The following SEL1L3 variants were observed in gnomAD, a reference collection of about 807,000 sequenced individuals.
SEL1L3 encodes SEL1L family member 3.
Under a neutral mutation model 142.8 loss-of-function variants are expected in SEL1L3, and 76 were observed. That is an observed-to-expected ratio of 0.53 (90% CI 0.44 to 0.64). The LOEUF (loss-of-function observed/expected upper bound fraction) is 0.64, where lower values mean the gene tolerates loss of function less well. SEL1L3 is among the 30% of genes least tolerant of loss of function. SEL1L3 has a pLI of 0.00. For synonymous variants in SEL1L3, 504 were observed against 519.6 expected, an observed-to-expected ratio of 0.97 and a Z score of 0.41; for missense variants, 1,262 against 1,381.7, an observed-to-expected ratio of 0.91 and a Z score of 1.37.
Position 25,846,814 on chromosome 4 carries a change from CAGG to C in SEL1L3, c.733+477_733+479del, listed in dbSNP as rs1716539373. ...ATCCCAGCTACTCGGGAGGCTGAGG[CAGG>C]AGAATTGCTTGAACCTGGGAGGCGG... On this transcript the variant is annotated intron_variant, in intron 2 of 23. Coordinates refer to ENST00000399878, the MANE Select transcript of SEL1L3 (RefSeq NM_015187.5). Among the ~76,000 whole-genome samples, 5 of 145,016 alleles carry C rather than the reference CAGG, an allele frequency of 3.4e-5. No homozygotes were observed. The Admixed American group carries it at 3.7e-4, about 11-fold the overall frequency.
chr4:25,819,805 T>TA lies in SEL1L3; in HGVS notation c.1423+2dup. ...AACAGCTCCCCTGAAGCTCAACACTTACATGCTTCTTGTCTCTCGCCCCCG... is the reference window on the plus strand; with the variant it reads ...AACAGCTCCCCTGAAGCTCAACACTTAACATGCTTCTTGTCTCTCGCCCCCG... On this transcript the variant is annotated splice_region_variant and intron_variant, in intron 8 of 23. Coordinates refer to ENST00000399878, the MANE Select transcript of SEL1L3 (RefSeq NM_015187.5). 6.2e-7 allele frequency: 1 copy of TA among 1,610,488 alleles called. No individual in the cohort carries two copies. The highest frequency in any genetic ancestry group is 8.5e-7 in the Non-Finnish European group (1 of 1,178,626).
chr4:25,786,564 G>T (rs189060814), intron 13 of SEL1L3, among the ~76,000 whole-genome samples: 100 of 152,274 alleles, frequency 6.6e-4, no homozygotes, highest in African/African-American at 2.2e-3. Context: ...TTTGGACAGC[G>T]ATCGGCCTCC....
intron 5 of SEL1L3, among the ~76,000 whole-genome samples, chr4:25,831,240 C>T (rs1182519392): frequency 6.6e-6 from 1 of 152,096 alleles, no homozygotes; most frequent in Non-Finnish European, 1.5e-5. Context: ...ATCCAAGATT[C>T]TCTGCATTCT....
At chr4:25,857,743 T>C (rs1459491266) in intron 1 of SEL1L3, among the ~76,000 whole-genome samples, 1 of 152,204 alleles carries the variant, frequency 6.6e-6, no homozygotes, top group Non-Finnish European at 1.5e-5. Context: ...CACCCAAAGA[T>C]GATGCCCTCA....
Position 25,847,827 on chromosome 4 carries a change from G to A in SEL1L3, c.200C>T (p.Thr67Met), listed in dbSNP as rs776069949. Residue 67 changes from threonine to methionine, a missense_variant, in exon 2 of 24, where the codon ACG (threonine) becomes ATG (methionine). Physicochemically the swap from Thr to Met is moderately conservative, Grantham distance 81 (BLOSUM62 -1). Transcript: ENST00000399878. ...VPSLGRQTSL[T>M]TSVIPKAEQS... ...CTCAGCTTTGGGTATCACTGATGTC[G>A]TCAGGGAAGTCTGCCTACCCAAAGA... The A allele has an allele frequency of 3.7e-5, 59 of 1,588,816 alleles. No individual in the cohort carries two copies. Among genetic ancestry groups the A allele is most frequent in the Non-Finnish European group, 4.5e-5 (53 of 1,169,684 alleles).
chr4:25,849,867 G>A (rs898399682), intron 1 of SEL1L3, among the ~76,000 whole-genome samples: 9 of 152,164 alleles, frequency 5.9e-5, no homozygotes, highest in Non-Finnish European at 8.8e-5. Context: ...GGCGAAACGT[G>A]GTCAGTGTTC....
At chr4:25,723,071 C>A in the SEL1L3 span, among the ~76,000 whole-genome samples, 1 of 152,246 alleles carries the variant, frequency 6.6e-6, no homozygotes, top group South Asian at 2.1e-4. Context: ...CCTTCAGCAG[C>A]AGATGCCAGG....
At chr4:25,723,150 C>T in the SEL1L3 span, among the ~76,000 whole-genome samples, 1 of 152,192 alleles carries the variant, frequency 6.6e-6, no homozygotes, top group Non-Finnish European at 1.5e-5. Flanking sequence ...ATGTTCTGCT[C>T]ATTTTATGGC....
intron 6 of SEL1L3, among the ~76,000 whole-genome samples, chr4:25,823,626 C>T (rs2109265074): frequency 6.6e-6 from 1 of 152,142 alleles, no homozygotes; most frequent in South Asian, 2.1e-4. Context: ...GTGATCAGAG[C>T]ATATGTGAAC....
intron 13 of SEL1L3, among the ~76,000 whole-genome samples, chr4:25,787,839 G>A (rs1304540437): frequency 6.6e-6 from 1 of 152,276 alleles, no homozygotes; most frequent in South Asian, 2.1e-4. Flanking sequence ...TCATCAGCAG[G>A]ATTGTTGGGA....
At chr4:25,835,158 G>A (rs1175369778) in intron 3 of SEL1L3, 39 bp downstream of exon 3, 7 of 1,609,798 alleles carry the variant, frequency 4.3e-6, no homozygotes, top group Non-Finnish European at 5.1e-6. Flanking sequence ...AATAAAACAA[G>A]CACCGCCCGA....
chr4:25,819,244 C>T (rs901817264), intron 8 of SEL1L3, among the ~76,000 whole-genome samples: 2 of 152,210 alleles, frequency 1.3e-5, no homozygotes, highest in African/African-American at 4.8e-5. Context: ...GATGTCTGTG[C>T]AAATATGAGC....
At chr4:25,810,628 T>C (rs914757125) in intron 9 of SEL1L3, among the ~76,000 whole-genome samples, 4 of 152,318 alleles carry the variant, frequency 2.6e-5, no homozygotes, top group African/African-American at 9.6e-5. Flanking sequence ...TCCTAGAGAA[T>C]TGGAGGTTCC....
At chr4:25,757,031 G>C in intron 23 of SEL1L3, 1 of 1,018,772 alleles carries the variant, frequency 9.8e-7, no homozygotes, top group South Asian at 2.3e-5. Context: ...ACTTCAGGAG[G>C]ATGAGGCAGC....
the SEL1L3 span, among the ~76,000 whole-genome samples, chr4:25,733,672 C>T: frequency 6.6e-6 from 1 of 152,010 alleles, no homozygotes; most frequent in Non-Finnish European, 1.5e-5. Flanking sequence ...AGGCGCGCAC[C>T]ACCGCGCCCG....
chr4:25,776,037 T>C (rs764697792), intron 17 of SEL1L3, among the ~76,000 whole-genome samples: 15 of 152,244 alleles, frequency 9.9e-5, no homozygotes, highest in Non-Finnish European at 1.9e-4. Context: ...TTGTATATCT[T>C]TCTCAACTTG....
the SEL1L3 span, among the ~76,000 whole-genome samples, chr4:25,740,999 G>A: frequency 6.6e-6 from 1 of 151,992 alleles, no homozygotes; most frequent in Admixed American, 6.6e-5. Context: ...TGGCCAGGCT[G>A]GTCTTGAACT....
At chr4:25,736,430 G>C in the SEL1L3 span, among the ~76,000 whole-genome samples, 1 of 151,462 alleles carries the variant, frequency 6.6e-6, no homozygotes, top group Non-Finnish European at 1.5e-5. Context: ...CATCATGTTG[G>C]CCACGCTGGT....
the SEL1L3 span, among the ~76,000 whole-genome samples, chr4:25,725,462 C>G: frequency 6.6e-6 from 1 of 151,936 alleles, no homozygotes; most frequent in South Asian, 2.1e-4. Flanking sequence ...ATTACAGGTA[C>G]GTGTCACCAC....
Sources: allele counts gnomAD v4.1 joint callset (sites outside exome capture counted in the v4.1 genomes callset), GRCh38; gene constraint gnomAD v4.1.1; transcripts MANE v1.5; gene names NCBI Gene and HGNC (gene_info 2026-07-23, HGNC 2026-07-21).